Variants in STK32B observed in about 807,000 individuals in gnomAD.
STK32B encodes the protein serine/threonine-protein kinase 32B.
STK32B carries 43 observed loss-of-function variants against 52.6 expected under a neutral mutation model. That is an observed-to-expected ratio of 0.82 (90% CI 0.64 to 1.05). The LOEUF is 1.05. Ranked by LOEUF, STK32B falls within the 50% of genes least tolerant of loss-of-function variation. The pLI, the probability that STK32B is intolerant of heterozygous loss-of-function variation, is 0.00. For synonymous variants in STK32B, 238 were observed against 204.3 expected, an observed-to-expected ratio of 1.17 and a Z score of -1.41; for missense variants, 621 against 534.6, an observed-to-expected ratio of 1.16 and a Z score of -1.59.
At chr4:5,454,297 T>C (rs1716298708) in intron 7 of STK32B, among the ~76,000 whole-genome samples, 1 of 152,098 alleles carries the variant, frequency 6.6e-6, no homozygotes, top group Non-Finnish European at 1.5e-5. Flanking sequence ...ACAGAAATTA[T>C]TCTCTCACAG....
intron 2 of STK32B, among the ~76,000 whole-genome samples, chr4:5,144,738 T>G (rs1716769304): frequency 6.6e-6 from 1 of 152,166 alleles, no homozygotes; most frequent in South Asian, 2.1e-4. Context: ...GTGGAGTTTA[T>G]ATAAAATCAG....
At chr4:5,258,782 C>A (rs1252860568) in intron 3 of STK32B, among the ~76,000 whole-genome samples, 3 of 152,164 alleles carry the variant, frequency 2.0e-5, no homozygotes, top group Admixed American at 2.0e-4. Context: ...TTAGTCAATT[C>A]CCAGTGCAGC....
At chr4:5,315,828 C>G (rs7685911) in intron 3 of STK32B, among the ~76,000 whole-genome samples, 17,661 of 151,244 alleles carry the variant, frequency 0.12, 2,606 homozygotes, top group African/African-American at 0.35. Flanking sequence ...CCTCAGCCTC[C>G]TGAGTAGCTG....
At chr4:5,336,265 G>A (rs1652045115) in intron 4 of STK32B, among the ~76,000 whole-genome samples, 1 of 151,492 alleles carries the variant, frequency 6.6e-6, no homozygotes, top group African/African-American at 2.4e-5. Context: ...ATGTGACTGA[G>A]CCCGAAGGAA....
Position 5,184,684 on chromosome 4 carries a change from C to CAAAAA in STK32B, c.260+16243_260+16247dup, listed in dbSNP as rs1553846538. On this transcript the variant is annotated intron_variant, in intron 3 of 11. Transcript: ENST00000282908. ...GCCTGGTGACAGAGCGAGACTGTCT[C>CAAAAA]AAAAAAAAAAAAAGAAGAAGAAGAA... 2.2e-3 allele frequency among the ~76,000 whole-genome samples: 227 copies of CAAAAA among 105,390 alleles called. 8 individuals are homozygous for CAAAAA. The East Asian group carries it at 0.03, about 14-fold the overall frequency. 69.1% of individuals were successfully genotyped at this position (105,390 alleles called of 152,430 possible). A position where few individuals can be genotyped will look rare whatever the true frequency, so the allele number is the denominator to read the frequency against.
At chr4:5,205,843 G>A (rs894309635) in intron 3 of STK32B, among the ~76,000 whole-genome samples, 3 of 152,058 alleles carry the variant, frequency 2.0e-5, no homozygotes, top group Admixed American at 2.0e-4. Flanking sequence ...CTCTTTCACC[G>A]ATTCTCATCT....
chr4:5,124,619 A>G (rs528387370), intron 1 of STK32B, among the ~76,000 whole-genome samples: 11 of 152,352 alleles, frequency 7.2e-5, no homozygotes, highest in African/African-American at 1.4e-4. Context: ...AAGGGTCTCA[A>G]TGAGGCTTCC....
At chr4:5,376,403 T>TTCTC (rs150543940) in intron 4 of STK32B, among the ~76,000 whole-genome samples, 1 of 150,966 alleles carries the variant, frequency 6.6e-6, no homozygotes, top group Admixed American at 6.6e-5. Context: ...CTCTCTCTCT[T>TTCTC]TCTCTCTCTC....
chr4:5,420,130 G>A (rs1712501069), intron 6 of STK32B, among the ~76,000 whole-genome samples: 1 of 152,162 alleles, frequency 6.6e-6, no homozygotes, highest in Admixed American at 6.5e-5. Context: ...ACTTCCCCAT[G>A]TTGACATTGT....
intron 3 of STK32B, among the ~76,000 whole-genome samples, chr4:5,249,437 ACCTACCTTCCTTCCTTCCTT>A (rs1407839341): frequency 9.3e-6 from 1 of 107,578 alleles, no homozygotes. Context: ...CTTCCTTCCT[ACCTACCTTCCTTCCTTCCTT>A]CCTTCCTTCC....
chr4:5,428,095 T>G (rs1713248441), intron 6 of STK32B, among the ~76,000 whole-genome samples: 1 of 152,050 alleles, frequency 6.6e-6, no homozygotes, highest in Non-Finnish European at 1.5e-5. Context: ...TATATTGTGC[T>G]TTTAATTTCA....
chr4:5,253,700 G>T (rs79325938), intron 3 of STK32B, among the ~76,000 whole-genome samples: 7,601 of 152,024 alleles, frequency 0.05, 267 homozygotes, highest in African/African-American at 0.1. Flanking sequence ...TTGCAAGAAG[G>T]AAAAGGTCTG....
intron 7 of STK32B, among the ~76,000 whole-genome samples, chr4:5,448,270 G>A (rs549534626): frequency 8.5e-5 from 13 of 152,258 alleles, no homozygotes; most frequent in African/African-American, 2.4e-4. Context: ...TTAATGTCCC[G>A]CAGATTTACC....
At chr4:5,199,467 A>G (rs886536562) in intron 3 of STK32B, among the ~76,000 whole-genome samples, 30 of 149,442 alleles carry the variant, frequency 2.0e-4, no homozygotes, top group African/African-American at 7.1e-4. Flanking sequence ...TCTTGCTTAC[A>G]TTATAAATCA....
chr4:5,426,324 G>A (rs1713087181), intron 6 of STK32B, among the ~76,000 whole-genome samples: 1 of 152,086 alleles, frequency 6.6e-6, no homozygotes, highest in African/African-American at 2.4e-5. Context: ...GGTAACTAAT[G>A]GTGTTGAGCA....
At chr4:5,336,549 GA>G (rs1172992530) in intron 4 of STK32B, among the ~76,000 whole-genome samples, 1 of 151,658 alleles carries the variant, frequency 6.6e-6, no homozygotes, top group African/African-American at 2.4e-5. Flanking sequence ...TGTGAAACAA[GA>G]AATAGCATTT....
At chr4:5,291,616 T>C (rs1728895360) in intron 3 of STK32B, among the ~76,000 whole-genome samples, 1 of 152,172 alleles carries the variant, frequency 6.6e-6, no homozygotes, top group East Asian at 1.9e-4. Flanking sequence ...TTTTACTTGC[T>C]TTCTAATCTA....
intron 3 of STK32B, among the ~76,000 whole-genome samples, chr4:5,299,860 G>T (rs942067288): frequency 6.6e-6 from 1 of 152,164 alleles, no homozygotes; most frequent in Non-Finnish European, 1.5e-5. Flanking sequence ...TCTACCAGAT[G>T]TATGAAGAAG....
rs1036927151 is a variant in STK32B, at chr4:5,399,840, G to A, written c.472+1596G>A. Among the ~76,000 whole-genome samples, 23 of 152,120 alleles carry A rather than the reference G, an allele frequency of 1.5e-4. No individual in the cohort carries two copies. The highest frequency in any genetic ancestry group is 3.9e-4 in the East Asian group (2 of 5,178). On this transcript the variant is annotated intron_variant, in intron 5 of 11. Coordinates refer to ENST00000282908, the MANE Select transcript of STK32B (RefSeq NM_018401.3). The surrounding 1 kb of genome is among the most constrained non-coding windows in gnomAD (Gnocchi z 5.4). ...GCGCTCGGGAAGGGGTAGATAACTCGCCCTCTTCCTGTCCCCTTTCTCTGC... is the reference window on the plus strand; with the variant it reads ...GCGCTCGGGAAGGGGTAGATAACTCACCCTCTTCCTGTCCCCTTTCTCTGC...
Sources: allele counts gnomAD v4.1 joint callset (sites outside exome capture counted in the v4.1 genomes callset), GRCh38; gene constraint gnomAD v4.1.1; non-coding constraint Gnocchi (gnomAD v3.1); transcripts MANE v1.5; gene names NCBI Gene and HGNC (gene_info 2026-07-23, HGNC 2026-07-21).